Variants in B4GALT1 observed in about 807,000 individuals in gnomAD.
The protein encoded by B4GALT1 is beta-1,4-galactosyltransferase 1, also known as N-acetyllactosamine synthase.
In B4GALT1, 16 loss-of-function variants were observed where a neutral mutation model predicts 34.9. The ratio of observed to expected loss-of-function variants is 0.46; its 90% CI spans 0.31 to 0.70. B4GALT1 has a LOEUF of 0.70. B4GALT1 is among the 30% of genes least tolerant of loss of function. The pLI is 0.05. For missense variants in B4GALT1, 445 were observed against 530.5 expected (o/e 0.84, Z 1.58); for synonymous variants, 221 against 218.1 (o/e 1.01, Z -0.12).
chr9:33,156,311 T>G (rs1840593337), intron 1 of B4GALT1, among the ~76,000 whole-genome samples: 1 of 152,048 alleles, frequency 6.6e-6, no homozygotes, highest in African/African-American at 2.4e-5. Flanking sequence ...TTTTTGTATT[T>G]TTAGTAGAGA....
At chr9:33,176,736 C>T in the B4GALT1 span, among the ~76,000 whole-genome samples, 97,768 of 151,882 alleles carry the variant, frequency 0.64, 31,635 homozygotes, top group Middle Eastern at 0.78. Flanking sequence ...AAAAACTGCC[C>T]ATCAGGTACT....
chr9:33,149,712 C>T (rs966963302), intron 1 of B4GALT1, among the ~76,000 whole-genome samples: 19 of 152,148 alleles, frequency 1.2e-4, no homozygotes, highest in African/African-American at 1.7e-4. Context: ...CTCTAGATCT[C>T]GTTACACTGA....
upstream of B4GALT1, among the ~76,000 whole-genome samples, chr9:33,170,619 C>G (rs1414385633): frequency 6.6e-6 from 1 of 152,244 alleles, no homozygotes; most frequent in African/African-American, 2.4e-5. Flanking sequence ...AGGAACAACA[C>G]TTGCTGATTG....
intron 4 of B4GALT1, among the ~76,000 whole-genome samples, chr9:33,115,615 G>A (rs1182754867): frequency 1.3e-5 from 2 of 152,180 alleles, no homozygotes; most frequent in African/African-American, 4.8e-5. Flanking sequence ...AAGCTTCTGT[G>A]AAGACAGTTA....
downstream of B4GALT1, among the ~76,000 whole-genome samples, chr9:33,105,669 T>A (rs1323347386): frequency 6.6e-6 from 1 of 152,186 alleles, no homozygotes; most frequent in Non-Finnish European, 1.5e-5. Context: ...TTCTGCCTTC[T>A]GTCTCTGTGA....
rs1587725930 is a variant in B4GALT1 at position 33,113,277 on chromosome 9, A to G, written c.*177T>C. 3.3e-6 allele frequency: 3 copies of G among 900,056 alleles called. No homozygotes were observed. The East Asian group carries it at 7.8e-5, about 23-fold the overall frequency. 55.8% of individuals were successfully genotyped at this position (900,056 alleles called of 1,614,324 possible). A position where few individuals can be genotyped will look rare whatever the true frequency, so the allele number is the denominator to read the frequency against. On this transcript the variant is annotated 3_prime_UTR_variant, in exon 6 of 6. Transcript: ENST00000379731. ...AGCTAAGAATTCACATGCCGAGCCA[A>G]GTTGGGGGCAAAATATCCCACTCGT...
At chr9:33,105,736 T>C (rs1839790887), downstream of B4GALT1, among the ~76,000 whole-genome samples, 1 of 152,190 alleles carries the variant, frequency 6.6e-6, no homozygotes, top group Non-Finnish European at 1.5e-5. Context: ...TGTCCTTTTG[T>C]GACTGACTTA....
rs77027222 is a variant in B4GALT1, at chr9:33,161,545, G to A, written c.412+5213C>T. 4.8e-3 allele frequency among the ~76,000 whole-genome samples: 732 copies of A among 152,306 alleles called. 6 individuals are homozygous for A. The highest frequency in any genetic ancestry group is 7.8e-3 in the Non-Finnish European group (528 of 68,020). On this transcript the variant is annotated intron_variant, in intron 1 of 5. Transcript: ENST00000379731. ...CAAGTTTAGGGACAGGAGGGACCCT[G>A]TGAGTCTAATCCCATGCCTTGTTAA... is the stretch of plus-strand genomic sequence containing the variant.
intron 1 of B4GALT1, among the ~76,000 whole-genome samples, chr9:33,148,790 G>A (rs1840464844): frequency 7.0e-6 from 1 of 142,164 alleles, no homozygotes; most frequent in African/African-American, 2.7e-5. Flanking sequence ...GGAACTTCTT[G>A]CTGTGCCTAA....
chr9:33,117,719 C>G (rs1224685582), intron 3 of B4GALT1, among the ~76,000 whole-genome samples: 7 of 152,124 alleles, frequency 4.6e-5, no homozygotes, highest in Non-Finnish European at 7.3e-5. Flanking sequence ...AGCAAAGGTC[C>G]CCAGGGGGTC....
At chr9:33,124,667 G>T (rs193047782) in intron 2 of B4GALT1, among the ~76,000 whole-genome samples, 2 of 152,296 alleles carry the variant, frequency 1.3e-5, no homozygotes, top group Admixed American at 1.3e-4. Flanking sequence ...ACAAATGTTG[G>T]CTACTATCAT....
At chr9:33,160,636 G>A (rs891575182) in intron 1 of B4GALT1, among the ~76,000 whole-genome samples, 1 of 152,126 alleles carries the variant, frequency 6.6e-6, no homozygotes, top group Admixed American at 6.5e-5. Context: ...GCATGGCGGT[G>A]TGCACCTGTG....
the B4GALT1 span, among the ~76,000 whole-genome samples, chr9:33,183,143 G>C: frequency 6.6e-6 from 1 of 152,108 alleles, no homozygotes; most frequent in African/African-American, 2.4e-5. Flanking sequence ...GTAGTGTGAC[G>C]AAATCTTGCC....
intron 1 of B4GALT1, among the ~76,000 whole-genome samples, chr9:33,140,232 C>T (rs1027823209): frequency 6.6e-6 from 1 of 152,194 alleles, no homozygotes; most frequent in Non-Finnish European, 1.5e-5. Context: ...AACATCTAGT[C>T]ACTGTTTGTC....
At chr9:33,129,944 G>A (rs1235964440) in intron 2 of B4GALT1, among the ~76,000 whole-genome samples, 3 of 152,152 alleles carry the variant, frequency 2.0e-5, no homozygotes, top group African/African-American at 7.2e-5. Flanking sequence ...GCTAAGCTTG[G>A]GCCTTCCGAC....
the B4GALT1 span, among the ~76,000 whole-genome samples, chr9:33,175,020 T>TATATAAAAAA: frequency 2.6e-5 from 1 of 39,064 alleles, no homozygotes; most frequent in African/African-American, 7.1e-5. Flanking sequence ...TATATATATA[T>TATATAAAAAA]AAAATTGGAG....
intron 2 of B4GALT1, among the ~76,000 whole-genome samples, chr9:33,120,929 T>C (rs1301038835): frequency 6.6e-6 from 1 of 152,094 alleles, no homozygotes; most frequent in Non-Finnish European, 1.5e-5. Flanking sequence ...AGTACATCCA[T>C]ACAATGGAAT....
upstream of B4GALT1, among the ~76,000 whole-genome samples, chr9:33,170,263 C>T (rs1319061951): frequency 6.6e-6 from 1 of 152,174 alleles, no homozygotes; most frequent in Non-Finnish European, 1.5e-5. Context: ...AGCCACCGTG[C>T]CCGGCCGATA....
At position 33,135,266 on chromosome 9, in the gene B4GALT1, G is replaced by A. The variant is rs535972584; in HGVS notation, c.571C>T (p.Leu191Phe). 3 of 1,614,218 alleles carry A rather than the reference G, an allele frequency of 1.9e-6. No homozygotes were observed. Among genetic ancestry groups the A allele is most frequent in the Admixed American group, 3.3e-5 (2 of 60,020 alleles). The change falls in exon 2 of 6, where the codon CTC (leucine) becomes TTC (phenylalanine). Residue 191 changes from leucine to phenylalanine, a missense_variant. Coordinates refer to ENST00000379731, the MANE Select transcript of B4GALT1 (RefSeq NM_001497.4). ...IIPFRNRQEH[L>F]KYWLYYLHPV... is the part of the protein sequence containing the mutation. ...TGCAAATAATATAGCCAGTACTTGA[G>A]GTGCTCCTGCCGGTTGCGGAATGGA... is the stretch of plus-strand genomic sequence containing the variant.
Sources: allele counts gnomAD v4.1 joint callset (sites outside exome capture counted in the v4.1 genomes callset), GRCh38; gene constraint gnomAD v4.1.1; transcripts MANE v1.5; gene names NCBI Gene and HGNC (gene_info 2026-07-23, HGNC 2026-07-21).